ZBTB2: variants seen among roughly 807,000 people sequenced by gnomAD.
ZBTB2 encodes zinc finger and BTB domain containing 2.
Under a neutral mutation model 39.5 loss-of-function variants are expected in ZBTB2, and 2 were observed. The ratio of observed to expected loss-of-function variants is 0.05; its 90% CI spans 0.02 to 0.16. The LOEUF (loss-of-function observed/expected upper bound fraction) is 0.16, where lower values mean the gene tolerates loss of function less well. Ranked by LOEUF, ZBTB2 falls within the 10% of genes least tolerant of loss-of-function variation. The pLI is 1.00. For synonymous variants in ZBTB2, 251 were observed against 256.6 expected (o/e 0.98, Z 0.21); for missense variants, 391 against 653.0 (o/e 0.60, Z 4.37).
At chr6:151,371,362 C>T (rs1778785417) in intron 2 of ZBTB2, among the ~76,000 whole-genome samples, 1 of 152,208 alleles carries the variant, frequency 6.6e-6, no homozygotes, top group African/African-American at 2.4e-5. Context: ...TGCACATTTG[C>T]ACTCTTGTAC....
chr6:151,372,716 G>C (rs1206494452), intron 2 of ZBTB2, among the ~76,000 whole-genome samples: 2 of 152,116 alleles, frequency 1.3e-5, no homozygotes, highest in Non-Finnish European at 2.9e-5. Flanking sequence ...CTTCTTGTTA[G>C]AGGAGGAGAC....
At chr6:151,369,215 C>T (rs1397266336) in intron 2 of ZBTB2, among the ~76,000 whole-genome samples, 2 of 152,138 alleles carry the variant, frequency 1.3e-5, no homozygotes, top group Non-Finnish European at 2.9e-5. Context: ...CAGCTGGGGA[C>T]ACCTTGGCCC....
At chr6:151,385,483 C>T (rs796960443) in intron 1 of ZBTB2, among the ~76,000 whole-genome samples, 2 of 152,258 alleles carry the variant, frequency 1.3e-5, no homozygotes, top group African/African-American at 4.8e-5. Flanking sequence ...ATTTTGACAA[C>T]CTAAGTTCCT....
At chr6:151,373,239 G>C (rs1184230102) in intron 2 of ZBTB2, among the ~76,000 whole-genome samples, 1 of 150,898 alleles carries the variant, frequency 6.6e-6, no homozygotes, top group Non-Finnish European at 1.5e-5. Flanking sequence ...ACCCAGCGAG[G>C]GCATCTGGAG....
intron 1 of ZBTB2, among the ~76,000 whole-genome samples, chr6:151,382,498 A>G (rs902512383): frequency 1.4e-5 from 2 of 143,814 alleles, no homozygotes; most frequent in African/African-American, 5.2e-5. Flanking sequence ...CAGATGATCC[A>G]CCCGCCTCGG....
At chr6:151,385,827 G>C (rs1395283481) in intron 1 of ZBTB2, among the ~76,000 whole-genome samples, 1 of 152,106 alleles carries the variant, frequency 6.6e-6, no homozygotes, top group African/African-American at 2.4e-5. Flanking sequence ...AAACCTGAAG[G>C]CTGGTCATTT....
chr6:151,373,622 G>A lies in ZBTB2; in HGVS notation c.16C>T (p.His6Tyr). Reference protein sequence around the residue: MDLANHGLILLQQLNA... With the variant: MDLANYGLILLQQLNA... The stretch of plus-strand genomic sequence containing the variant: ...AACTGTTGCAGTAGAATAAGTCCAT[G>A]GTTGGCCAAATCCATTTTTTAAAAA... Residue 6 changes from histidine to tyrosine, a missense_variant, in exon 2 of 3, where the codon CAT (histidine) becomes TAT (tyrosine). Coordinates refer to ENST00000325144, the MANE Select transcript of ZBTB2 (RefSeq NM_020861.3). The A allele has an allele frequency of 6.2e-7, 1 of 1,606,956 alleles. No homozygotes were observed. Among genetic ancestry groups the A allele is most frequent in the Non-Finnish European group, 8.5e-7 (1 of 1,178,080 alleles).
At chr6:151,391,047 GC>G (rs961839023) in intron 1 of ZBTB2, among the ~76,000 whole-genome samples, 45 of 40,538 alleles carry the variant, frequency 1.1e-3, no homozygotes, top group Non-Finnish European at 1.7e-3. Context: ...TCCGCCGCCC[GC>G]CCTCTCGGCT....
intron 1 of ZBTB2, among the ~76,000 whole-genome samples, chr6:151,386,626 A>T (rs1037886639): frequency 2.0e-5 from 3 of 152,238 alleles, no homozygotes; most frequent in African/African-American, 7.2e-5. Context: ...TGATTAGTAA[A>T]ATTAATCTGA....
intron 1 of ZBTB2, among the ~76,000 whole-genome samples, chr6:151,390,014 T>G (rs1779248102): frequency 6.9e-6 from 1 of 144,990 alleles, no homozygotes; most frequent in Non-Finnish European, 1.5e-5. Context: ...CGCCTTGGAG[T>G]CCGGTTGGGG....
intron 1 of ZBTB2, among the ~76,000 whole-genome samples, chr6:151,379,992 G>T (rs556055097): frequency 2.6e-5 from 4 of 152,150 alleles, no homozygotes; most frequent in African/African-American, 9.7e-5. Context: ...GAGTCTACCA[G>T]TTATTTTAGA....
intron 1 of ZBTB2, among the ~76,000 whole-genome samples, chr6:151,375,232 A>C (rs1318833996): frequency 1.3e-5 from 2 of 152,238 alleles, no homozygotes; most frequent in African/African-American, 4.8e-5. Context: ...CTAGCAATGA[A>C]CATGTGGACT....
At chr6:151,388,261 G>A (rs1779205542) in intron 1 of ZBTB2, among the ~76,000 whole-genome samples, 1 of 152,188 alleles carries the variant, frequency 6.6e-6, no homozygotes, top group African/African-American at 2.4e-5. Context: ...GCAGGCTGGT[G>A]CCACGGGACT....
At chr6:151,390,421 C>T (rs1014458487) in intron 1 of ZBTB2, among the ~76,000 whole-genome samples, 5 of 150,372 alleles carry the variant, frequency 3.3e-5, no homozygotes, top group Non-Finnish European at 7.4e-5. Flanking sequence ...TGCACGCTCG[C>T]CGCTTCCCTC....
chr6:151,365,479 G>C lies in ZBTB2; in HGVS notation c.*42C>G. ...GAATTCAGGGAAGGGAGGGAAGATA[G>C]TCTTTGTAAAAATGAGAGTTTTTTA... On this transcript the variant is annotated 3_prime_UTR_variant, in exon 3 of 3. Transcript: ENST00000325144. The surrounding 1 kb of genome is among the most constrained non-coding windows in gnomAD (Gnocchi z 5.6). 1.3e-6 allele frequency: 2 copies of C among 1,556,104 alleles called. No homozygotes were observed. Among genetic ancestry groups the C allele is most frequent in the Non-Finnish European group, 1.7e-6 (2 of 1,153,324 alleles).
In ZBTB2 at chr6:151,371,271, T is replaced by C. The variant is rs116464646; in HGVS notation, c.173+2194A>G. 6.5e-3 allele frequency among the ~76,000 whole-genome samples: 987 copies of C among 152,236 alleles called. 11 individuals are homozygous for C. Among genetic ancestry groups the C allele is most frequent in the African/African-American group, 0.022 (928 of 41,518 alleles). ...CATACTGGGTGGTGGCGGCAAAGAT[T>C]TGTAAAACCCAGTCCCTGCCCTCAA... On this transcript the variant is annotated intron_variant, in intron 2 of 2. Transcript: ENST00000325144.
intron 1 of ZBTB2, among the ~76,000 whole-genome samples, chr6:151,374,256 A>G (rs757913116): frequency 6.6e-6 from 1 of 152,030 alleles, no homozygotes; most frequent in Non-Finnish European, 1.5e-5. Context: ...ATCACCCCTG[A>G]CCCTTAACAC....
chr6:151,373,113 C>T (rs1248396381), intron 2 of ZBTB2, among the ~76,000 whole-genome samples: 3 of 134,860 alleles, frequency 2.2e-5, no homozygotes, highest in Non-Finnish European at 3.0e-5. Flanking sequence ...CGAGATTGCA[C>T]CACTGCACTC....
At chr6:151,370,053 T>C (rs1034324227) in intron 2 of ZBTB2, 16 of 961,680 alleles carry the variant, frequency 1.7e-5, no homozygotes, top group Non-Finnish European at 2.0e-5. Context: ...CGCCAGACTT[T>C]GGTCTTTTCC....
Sources: allele counts gnomAD v4.1 joint callset (sites outside exome capture counted in the v4.1 genomes callset), GRCh38; gene constraint gnomAD v4.1.1; non-coding constraint Gnocchi (gnomAD v3.1); transcripts MANE v1.5; gene names NCBI Gene and HGNC (gene_info 2026-07-23, HGNC 2026-07-21).